ASB14: variants seen among roughly 807,000 people sequenced by gnomAD.
ASB14 encodes ankyrin repeat and SOCS box containing 14.
Under a neutral mutation model 55.6 loss-of-function variants are expected in ASB14, and 63 were observed. The observed-to-expected ratio is 1.13, with a 90% CI of 0.92 to 1.40. The LOEUF (loss-of-function observed/expected upper bound fraction) is 1.40. Ranked by LOEUF, ASB14 falls within the 40% of genes most tolerant of loss-of-function variation. The pLI, the probability that ASB14 is intolerant of heterozygous loss-of-function variation, is 0.00. For synonymous variants in ASB14, 256 were observed against 259.9 expected, an observed-to-expected ratio of 0.98 and a Z score of 0.15; for missense variants, 724 against 710.4, an observed-to-expected ratio of 1.02 and a Z score of -0.22.
In ASB14 at chr3:57,292,022, G is replaced by A. The variant is rs1215695278; in HGVS notation, c.12C>T (p.Tyr4=). 6.5e-7 allele frequency: 1 copy of A among 1,533,666 alleles called. No homozygotes were observed. The highest frequency in any genetic ancestry group is 1.4e-5 in the African/African-American group (1 of 72,970). ...CTTCATCTATGTCTTCATCGCTGGT[G>A]TAATTATCCATGTGAAACGTGGACA... MDN[Y]TSDEDIDEDF... Residue 4 remains tyrosine (Y), a synonymous_variant, in exon 2 of 11, where the codon TAC becomes TAT. Coordinates refer to ENST00000487349, the MANE Select transcript of ASB14 (RefSeq NM_001142733.3).
intron 1 of ASB14, among the ~76,000 whole-genome samples, 192 bp downstream of exon 1, chr3:57,292,440 TG>T (rs570117903): frequency 3.3e-4 from 51 of 152,334 alleles, no homozygotes; most frequent in South Asian, 6.2e-4. Context: ...AGTGTGATGC[TG>T]AAAATAATAT....
chr3:57,284,465 T>C (rs1401419205), intron 5 of ASB14, among the ~76,000 whole-genome samples: 1 of 152,168 alleles, frequency 6.6e-6, no homozygotes, highest in African/African-American at 2.4e-5. Context: ...CAAGATTCAC[T>C]TTGTACATTG....
At chr3:57,279,623 G>GGGAGGC (rs2061022220) in intron 7 of ASB14, among the ~76,000 whole-genome samples, 1 of 151,852 alleles carries the variant, frequency 6.6e-6, no homozygotes, top group African/African-American at 2.4e-5. Flanking sequence ...GCTTGAACCC[G>GGGAGGC]GGAGGCGGAG....
Position 57,287,893 on chromosome 3 carries a change from T to C in ASB14, c.469+8A>G, listed in dbSNP as rs1046796059. ...ACAGACTCTTTCAGAAACAATGTAT[T>C]CATTTACCTGCAAGAAGAGGAGAAT... is the stretch of plus-strand genomic sequence containing the variant. On this transcript the variant is annotated splice_region_variant and intron_variant, in intron 5 of 10. Transcript: ENST00000487349. 6 of 1,536,838 alleles carry C rather than the reference T, an allele frequency of 3.9e-6. No homozygotes were observed. The African/African-American group carries it at 6.8e-5, about 18-fold the overall frequency.
intron 5 of ASB14, among the ~76,000 whole-genome samples, chr3:57,286,409 T>A (rs58379577): frequency 0.19 from 27,881 of 143,048 alleles, 2,869 homozygotes; most frequent in African/African-American, 0.25. Flanking sequence ...TTCTACATGT[T>A]ACATTTTAAA....
chr3:57,283,080 C>T, intron 6 of ASB14, 114 bp downstream of exon 6: 1 of 1,372,252 alleles, frequency 7.3e-7, no homozygotes, highest in Non-Finnish European at 9.8e-7. Flanking sequence ...TTTTATCAAA[C>T]ATTTATATTA....
chr3:57,292,181 GAAAC>G, intron 1 of ASB14, 77 bp from the exon 2 acceptor site: 7 of 984,458 alleles, frequency 7.1e-6, no homozygotes, highest in Non-Finnish European at 9.4e-6. Context: ...CAAAATTTAG[GAAAC>G]AAAATATTCA....
At position 57,278,703 on chromosome 3, in the gene ASB14, G is replaced by GGT; in HGVS notation, c.1103_1104dup (p.Leu369ThrfsTer9). 6.2e-7 allele frequency: 1 copy of GGT among 1,614,076 alleles called. No individual in the cohort carries two copies. The highest frequency in any genetic ancestry group is 8.5e-7 in the Non-Finnish European group (1 of 1,180,006). Reference sequence around the variant, plus strand: ...CTCAGAAGCAGCTTGACTGAAGAGAGGTCACTGTTTGATACAGCAAAATAC... The same window carrying GGT: ...CTCAGAAGCAGCTTGACTGAAGAGAGGTGTCACTGTTTGATACAGCAAAATAC... On this transcript the variant is annotated frameshift_variant, in exon 8 of 11. Coordinates refer to ENST00000487349, the MANE Select transcript of ASB14 (RefSeq NM_001142733.3). LOFTEE classifies it high-confidence loss of function.
In ASB14 at chr3:57,288,207, C is replaced by T. The variant is rs1367187170; in HGVS notation, c.258G>A (p.Leu86=). The T allele has an allele frequency of 1.3e-6, 2 of 1,536,904 alleles. No homozygotes were observed. Among genetic ancestry groups the T allele is most frequent in the Non-Finnish European group, 1.7e-6 (2 of 1,146,522 alleles). The part of the protein sequence containing the change: ...GEADEIGWIP[L]HKAAVQLNRK... Reference sequence around the variant, plus strand: ...TATTTAATTGCACTGCAGCCTTATGCAGAGGAATCCAGCCTATCTCATCTG... The same window carrying T: ...TATTTAATTGCACTGCAGCCTTATGTAGAGGAATCCAGCCTATCTCATCTG... The change falls in exon 4 of 11, where the codon CTG becomes CTA. Residue 86 remains leucine, a synonymous_variant. Transcript: ENST00000487349.
chr3:57,288,677 A>ATTTC (rs2061101242), intron 3 of ASB14, among the ~76,000 whole-genome samples: 1 of 150,058 alleles, frequency 6.7e-6, no homozygotes, highest in Non-Finnish European at 1.5e-5. Flanking sequence ...TTCGAGGGGA[A>ATTTC]ATGCTGCCAG....
chr3:57,288,935 C>T (rs2061104474), intron 3 of ASB14, 133 bp downstream of exon 3: 1 of 602,128 alleles, frequency 1.7e-6, no homozygotes, highest in Non-Finnish European at 2.8e-6. Flanking sequence ...CCAGGCTGGT[C>T]TCGAACTCCT....
At position 57,288,052 on chromosome 3, in the gene ASB14, G is replaced by A; in HGVS notation, c.318C>T (p.Asp106=). 1 of 1,537,218 alleles carries A rather than the reference G, an allele frequency of 6.5e-7. No homozygotes were observed. The highest frequency in any genetic ancestry group is 8.7e-7 in the Non-Finnish European group (1 of 1,146,858). The change falls in exon 5 of 11, where the codon GAC becomes GAT. Residue 106 remains aspartate (D), a synonymous_variant. Transcript: ENST00000487349. The part of the protein sequence containing the change: ...KILEITLSAS[D]PSLWEQTTHN... ...GAGTGGTTTGCTCCCACAGACTGGG[G>A]TCTGAAGCTGAAATAAATTCATCAT...
At chr3:57,275,696 T>C (rs534351441) in intron 10 of ASB14, among the ~76,000 whole-genome samples, 1 of 152,246 alleles carries the variant, frequency 6.6e-6, no homozygotes, top group African/African-American at 2.4e-5. Context: ...TTTTAGGTGA[T>C]TTTGTCATTG....
rs1343227971 is a variant in ASB14, at chr3:57,288,254, A to G, written c.211T>C (p.Tyr71His). Residue 71 changes from tyrosine to histidine, a missense_variant, in exon 4 of 11, where the codon TAC (tyrosine) becomes CAC (histidine). By Grantham distance (83) the Tyr-to-His change is moderately conservative. Coordinates refer to ENST00000487349, the MANE Select transcript of ASB14 (RefSeq NM_001142733.3). ...KEDALSHLTK[Y>H]HSAFGEADEI... ...TCTGCTTCACCAAATGCGGAATGGT[A>G]CTTGGTTAAGTGTGACAATGCATCT... 1 of 1,536,994 alleles carries G rather than the reference A, an allele frequency of 6.5e-7. No homozygotes were observed. Among genetic ancestry groups the G allele is most frequent in the Non-Finnish European group, 8.7e-7 (1 of 1,146,606 alleles).
chr3:57,287,540 A>T (rs146462503), intron 5 of ASB14, among the ~76,000 whole-genome samples: 1 of 152,194 alleles, frequency 6.6e-6, no homozygotes, highest in Non-Finnish European at 1.5e-5. Flanking sequence ...GGCAGGAATG[A>T]TCTAGAGATC....
rs889958784 is a variant in ASB14, at chr3:57,288,246, G to A, written c.219C>T (p.Ser73=). ...DALSHLTKYH[S]AFGEADEIGW... ...CTATCTCATCTGCTTCACCAAATGCGGAATGGTACTTGGTTAAGTGTGACA... is the reference window on the plus strand; with the variant it reads ...CTATCTCATCTGCTTCACCAAATGCAGAATGGTACTTGGTTAAGTGTGACA... Residue 73 remains serine, a synonymous_variant, in exon 4 of 11, where the codon TCC becomes TCT. Coordinates refer to ENST00000487349, the MANE Select transcript of ASB14 (RefSeq NM_001142733.3). The A allele has an allele frequency of 3.1e-5, 47 of 1,536,360 alleles. No individual in the cohort carries two copies. In the Admixed American group the frequency reaches 4.5e-4, roughly 15 times the overall value.
At chr3:57,282,122 T>C (rs180961725) in intron 6 of ASB14, among the ~76,000 whole-genome samples, 1 of 152,326 alleles carries the variant, frequency 6.6e-6, no homozygotes, top group African/African-American at 2.4e-5. Flanking sequence ...CTTTAGACAT[T>C]TCTTATATTG....
intron 5 of ASB14, among the ~76,000 whole-genome samples, chr3:57,287,363 C>T (rs934454497): frequency 9.9e-5 from 15 of 152,108 alleles, no homozygotes; most frequent in Non-Finnish European, 1.8e-4. Flanking sequence ...AGGGTAAGGG[C>T]CTGGCTGCCA....
At chr3:57,286,949 T>G (rs1559524303) in intron 5 of ASB14, among the ~76,000 whole-genome samples, 1 of 152,234 alleles carries the variant, frequency 6.6e-6, no homozygotes, top group Non-Finnish European at 1.5e-5. Context: ...AACTCCATCT[T>G]CCAGCATTGT....
Sources: allele counts gnomAD v4.1 joint callset (sites outside exome capture counted in the v4.1 genomes callset), GRCh38; gene constraint gnomAD v4.1.1; transcripts MANE v1.5; gene names NCBI Gene and HGNC (gene_info 2026-07-23, HGNC 2026-07-21).